Variants in SUSD4 observed in about 807,000 individuals in gnomAD.
SUSD4 encodes the protein sushi domain containing 4, also known as sushi domain-containing protein 4.
SUSD4 carries 41 observed loss-of-function variants against 50.5 expected under a neutral mutation model. That is an observed-to-expected ratio of 0.81 (90% CI 0.63 to 1.05). The LOEUF (loss-of-function observed/expected upper bound fraction) is 1.05. Among genes scored for constraint, SUSD4 ranks in the 50% least tolerant of loss-of-function variants. The pLI, the probability that SUSD4 is intolerant of heterozygous loss-of-function variation, is 0.00. For missense variants in SUSD4, 580 were observed against 634.7 expected (o/e 0.91, Z 0.93); for synonymous variants, 257 against 257.3 (o/e 1.00, Z 0.01).
intron 5 of SUSD4, among the ~76,000 whole-genome samples, chr1:223,242,486 C>T (rs894102141): frequency 2.6e-5 from 4 of 152,188 alleles, no homozygotes; most frequent in Admixed American, 2.0e-4. Context: ...CTGCCCCACC[C>T]TTGCCATGCT....
At chr1:223,242,644 G>A (rs1280901129) in intron 5 of SUSD4, among the ~76,000 whole-genome samples, 8 of 152,316 alleles carry the variant, frequency 5.3e-5, no homozygotes, top group South Asian at 2.1e-4. Context: ...TCTGCTACTC[G>A]TTGGCTGAAT....
At chr1:223,239,568 A>G (rs933931261) in intron 5 of SUSD4, among the ~76,000 whole-genome samples, 1 of 152,060 alleles carries the variant, frequency 6.6e-6, no homozygotes, top group Non-Finnish European at 1.5e-5. Flanking sequence ...TGCAATTAAC[A>G]TTTACAATGA....
intron 2 of SUSD4, among the ~76,000 whole-genome samples, chr1:223,295,237 A>C (rs1341789662): frequency 6.6e-6 from 1 of 152,156 alleles, no homozygotes; most frequent in Admixed American, 6.5e-5. Context: ...ATATATTGAA[A>C]CATATATTCA....
chr1:223,263,507 TG>T, intron 5 of SUSD4: 1 of 975,636 alleles, frequency 1.0e-6, no homozygotes, highest in South Asian at 4.7e-5. Flanking sequence ...TCCAATTCCC[TG>T]GGGGATTTGC....
At chr1:223,270,909 T>C (rs1558200530) in intron 3 of SUSD4, among the ~76,000 whole-genome samples, 1 of 152,202 alleles carries the variant, frequency 6.6e-6, no homozygotes, top group Non-Finnish European at 1.5e-5. Context: ...GTTTTCCTGC[T>C]AGCATAGTTG....
intron 5 of SUSD4, among the ~76,000 whole-genome samples, chr1:223,259,071 A>G (rs1385372417): frequency 2.0e-5 from 3 of 152,186 alleles, no homozygotes; most frequent in Non-Finnish European, 4.4e-5. Context: ...TTTCAGGAAT[A>G]GCAACACATG....
intron 5 of SUSD4, among the ~76,000 whole-genome samples, chr1:223,240,869 C>T (rs1454946449): frequency 6.6e-6 from 1 of 152,142 alleles, no homozygotes; most frequent in African/African-American, 2.4e-5. Context: ...GATAACTGGA[C>T]AAGGTGTACC....
chr1:223,273,072 G>A (rs554155725), intron 3 of SUSD4, among the ~76,000 whole-genome samples: 2 of 152,290 alleles, frequency 1.3e-5, no homozygotes, highest in South Asian at 4.1e-4. Flanking sequence ...CATTTATTAA[G>A]CTGAGATCTG....
At chr1:223,267,957 C>T (rs1662606304) in intron 4 of SUSD4, among the ~76,000 whole-genome samples, 1 of 141,782 alleles carries the variant, frequency 7.1e-6, no homozygotes, top group Non-Finnish European at 1.5e-5. Context: ...TAAATATTCA[C>T]CAGCTTGTTC....
At chr1:223,310,302 C>T (rs1353862685) in intron 2 of SUSD4, among the ~76,000 whole-genome samples, 2 of 152,144 alleles carry the variant, frequency 1.3e-5, no homozygotes, top group Admixed American at 1.3e-4. Context: ...CCTGCTATCC[C>T]TCCACTGGAA....
Position 223,268,492 on chromosome 1 carries a change from A to G in SUSD4, c.535+10T>C. 1.2e-6 allele frequency: 2 copies of G among 1,607,330 alleles called. No individual in the cohort carries two copies. The highest frequency in any genetic ancestry group is 1.7e-6 in the Non-Finnish European group (2 of 1,176,590). ...TAGCCCAGCTGAGAACTGAAGCATC[A>G]GTCCCGTACCTTGACAGATGGGCAG... On this transcript the variant is annotated intron_variant, in intron 4 of 8. Transcript: ENST00000366878.
At chr1:223,338,762 T>C (rs969490956) in intron 2 of SUSD4, among the ~76,000 whole-genome samples, 7 of 152,218 alleles carry the variant, frequency 4.6e-5, no homozygotes, top group Non-Finnish European at 2.9e-5. Context: ...GAGGCAGATC[T>C]TAATGCCATT....
chr1:223,353,696 G>A (rs1430281493), intron 2 of SUSD4, among the ~76,000 whole-genome samples: 1 of 152,184 alleles, frequency 6.6e-6, no homozygotes, highest in Non-Finnish European at 1.5e-5. Context: ...TCTGTATCCG[G>A]AGGGCTGAGC....
chr1:223,271,267 G>A (rs924071788), intron 3 of SUSD4, among the ~76,000 whole-genome samples: 1 of 152,162 alleles, frequency 6.6e-6, no homozygotes, highest in East Asian at 1.9e-4. Flanking sequence ...ATGGACACGT[G>A]GACATTGGCT....
chr1:223,348,448 A>G (rs1027400018), intron 2 of SUSD4, among the ~76,000 whole-genome samples: 2 of 152,238 alleles, frequency 1.3e-5, no homozygotes, highest in Non-Finnish European at 2.9e-5. Context: ...TTTGCTGATC[A>G]GTCTACCTGT....
intron 2 of SUSD4, among the ~76,000 whole-genome samples, chr1:223,304,469 T>G (rs934917618): frequency 6.6e-6 from 1 of 151,964 alleles, no homozygotes; most frequent in African/African-American, 2.4e-5. Flanking sequence ...AGAAATGAAG[T>G]GGAACAGAAA....
At chr1:223,329,129 T>G (rs1210818288) in intron 2 of SUSD4, among the ~76,000 whole-genome samples, 1 of 152,126 alleles carries the variant, frequency 6.6e-6, no homozygotes, top group Admixed American at 6.5e-5. Context: ...GACCTCTCTG[T>G]GGGTAATTCT....
At chr1:223,303,131 C>T (rs1392445605) in intron 2 of SUSD4, among the ~76,000 whole-genome samples, 2 of 152,022 alleles carry the variant, frequency 1.3e-5, no homozygotes, top group Non-Finnish European at 2.9e-5. Flanking sequence ...CAAGCCTGGG[C>T]AACAGAGCAA....
intron 5 of SUSD4, among the ~76,000 whole-genome samples, chr1:223,244,899 AAG>A (rs892426684): frequency 3.1e-4 from 47 of 152,300 alleles, no homozygotes; most frequent in African/African-American, 1.0e-3. Flanking sequence ...GGAGGTACAG[AAG>A]AGAGACTAAC....
Sources: gnomAD v4.1 joint callset for allele counts (sites outside exome capture counted in the v4.1 genomes callset) on GRCh38, gnomAD v4.1.1 for gene constraint, MANE v1.5 for transcripts, NCBI Gene and HGNC (gene_info 2026-07-23, HGNC 2026-07-21) for gene names.